COCH: variants seen among roughly 807,000 people sequenced by gnomAD.
COCH encodes coagulation factor C homolog, cochlin (Limulus polyphemus).
A neutral mutation model predicts 54.8 loss-of-function variants in COCH; 40 were observed. That is an observed-to-expected ratio of 0.73 (90% confidence interval 0.57 to 0.95). The LOEUF is 0.95. COCH is among the 40% of genes least tolerant of loss of function. The probability of loss-of-function intolerance (pLI) is 0.00; values close to 1 mark genes in which losing one functional copy is unlikely to be tolerated. For synonymous variants in COCH, 256 were observed against 237.9 expected, an observed-to-expected ratio of 1.08 and a Z score of -0.70; for missense variants, 605 against 675.0, an observed-to-expected ratio of 0.90 and a Z score of 1.15.
intron 10 of COCH, 50 bp downstream of exon 10, chr14:30,885,670 G>A (rs1402009173): frequency 6.9e-7 from 1 of 1,455,270 alleles, no homozygotes; most frequent in Non-Finnish European, 9.7e-7. Context: ...ATTCCATTTT[G>A]GACCTCTAAG....
At chr14:30,891,076 G>A (rs1330210918), downstream of COCH, among the ~76,000 whole-genome samples, 1 of 151,860 alleles carries the variant, frequency 6.6e-6, no homozygotes, top group African/African-American at 2.4e-5. Context: ...CAAGTTTATC[G>A]AATACCTACT....
Position 30,886,034 on chromosome 14 carries a change from C to T in COCH, c.1199C>T (p.Ser400Leu), listed in dbSNP as rs760549722. 17 of 1,614,090 alleles carry T rather than the reference C, an allele frequency of 1.1e-5. No individual in the cohort carries two copies. The highest frequency in any genetic ancestry group is 8.8e-5 in the South Asian group (8 of 91,080). The change falls in exon 11 of 12, where the codon TCG becomes TTG. Residue 400 changes from serine to leucine, a missense_variant. Coordinates refer to ENST00000396618, the MANE Select transcript of COCH (RefSeq NM_004086.3). Reference protein sequence around the residue: ...VSNIAKTFEISDIGAKIAAVQ... With the variant: ...VSNIAKTFEILDIGAKIAAVQ... ...AACATAGCCAAGACTTTTGAAATCT[C>T]GGACATTGGTGCCAAGATAGCTGCT...
chr14:30,893,125 CAATTACAAACGGCAAAAACCACA>C (rs1401843277), downstream of COCH, among the ~76,000 whole-genome samples: 3 of 143,290 alleles, frequency 2.1e-5, no homozygotes, highest in African/African-American at 7.7e-5. Context: ...GCAAAAACCA[CAATTACAAACGGCAAAAACCACA>C]ATTTTTTTTT....
chr14:30,885,685 G>A, intron 10 of COCH, 65 bp downstream of exon 10: 1 of 1,487,104 alleles, frequency 6.7e-7, no homozygotes, highest in Non-Finnish European at 9.4e-7. Context: ...TCTAAGTGCA[G>A]TGCTGACTGC....
downstream of COCH, among the ~76,000 whole-genome samples, chr14:30,893,482 C>T (rs1241239602): frequency 2.0e-5 from 3 of 152,126 alleles, no homozygotes. Flanking sequence ...CACCAACTAA[C>T]CTAAATATTC....
Position 30,877,706 on chromosome 14 carries a change from A to T in COCH, c.217A>T (p.Ile73Leu), listed in dbSNP as rs1566406906. Residue 73 changes from isoleucine to leucine, a missense_variant, in exon 4 of 12, where the codon ATA becomes TTA. By Grantham distance (5) the Ile-to-Leu change is conservative. Coordinates refer to ENST00000396618, the MANE Select transcript of COCH (RefSeq NM_004086.3). This position sits in a 1 kb window ranked among gnomAD's most constrained non-coding sequence, Gnocchi z 8.6. ...CATAGTATATGCTTCTGTATCGAGCATATGTGGGGCTGCTGTCCACAGGTA... is the reference window on the plus strand; with the variant it reads ...CATAGTATATGCTTCTGTATCGAGCTTATGTGGGGCTGCTGTCCACAGGTA... ...GNIVYASVSSICGAAVHRGVI... is the reference protein window; with the variant it reads ...GNIVYASVSSLCGAAVHRGVI... 6.2e-7 allele frequency: 1 copy of T among 1,614,226 alleles called. No homozygotes were observed.
At chr14:30,885,073 G>A (rs1024038387) in intron 9 of COCH, 2 of 1,581,974 alleles carry the variant, frequency 1.3e-6, no homozygotes, top group African/African-American at 2.7e-5. Context: ...GCTACATAGA[G>A]AGCACATGCA....
chr14:30,889,736 T>C lies in COCH; in HGVS notation c.1598T>C (p.Ile533Thr). The change falls in exon 12 of 12, where the codon ATT (isoleucine) becomes ACT (threonine). Residue 533 changes from isoleucine (I) to threonine (T), a missense_variant. Ile to Thr is a moderately conservative substitution (Grantham distance 89). Coordinates refer to ENST00000396618, the MANE Select transcript of COCH (RefSeq NM_004086.3). The stretch of plus-strand genomic sequence containing the variant: ...AGAGAGTTCACAGGATTAGAACCAA[T>C]TGTTTCTGATGTCATCAGAGGCATT... ...FTREFTGLEP[I>T]VSDVIRGICR... is the part of the protein sequence containing the mutation. The C allele has an allele frequency of 6.2e-7, 1 of 1,613,798 alleles. No individual in the cohort carries two copies. The highest frequency in any genetic ancestry group is 8.5e-7 in the Non-Finnish European group (1 of 1,179,698).
At chr14:30,874,997 C>T (rs369313422) in intron 2 of COCH, 25 bp downstream of exon 2, 3 of 1,613,010 alleles carry the variant, frequency 1.9e-6, no homozygotes, top group African/African-American at 2.7e-5. Flanking sequence ...CTCACGACCC[C>T]GGCCCCTTGC....
intron 1 of COCH, 32 bp downstream of exon 1, chr14:30,874,623 G>T (rs1420550453): frequency 1.2e-5 from 6 of 521,656 alleles, no homozygotes; most frequent in Non-Finnish European, 2.1e-5. Context: ...GCGCGGGTGC[G>T]AGGGATCCCT....
chr14:30,888,660 C>T (rs571081070), intron 11 of COCH, among the ~76,000 whole-genome samples: 27 of 151,974 alleles, frequency 1.8e-4, no homozygotes, highest in African/African-American at 5.5e-4. Flanking sequence ...TAGTGGCATG[C>T]GCTTGTAGTC....
chr14:30,875,166 C>A, intron 3 of COCH, 63 bp downstream of exon 3: 12 of 1,537,762 alleles, frequency 7.8e-6, no homozygotes, highest in Non-Finnish European at 1.1e-5. Context: ...CGGGTACAAG[C>A]GGGACTCAGA....
chr14:30,887,448 A>C (rs924251083), intron 11 of COCH, among the ~76,000 whole-genome samples: 1 of 152,032 alleles, frequency 6.6e-6, no homozygotes. Context: ...AAGATAATAA[A>C]AACACACTCT....
At chr14:30,879,019 C>G in intron 5 of COCH, 75 bp downstream of exon 5, 1 of 1,570,446 alleles carries the variant, frequency 6.4e-7, no homozygotes, top group Non-Finnish European at 8.7e-7. Flanking sequence ...TTAGCTCAGC[C>G]TCTTTAACCT....
At chr14:30,875,664 G>A (rs369836487) in intron 3 of COCH, 8 of 223,976 alleles carry the variant, frequency 3.6e-5, no homozygotes, top group Middle Eastern at 1.5e-3. Context: ...TGTACCACGT[G>A]TAGAGGTCCG....
intron 8 of COCH, among the ~76,000 whole-genome samples, chr14:30,882,120 G>GTTTTTTTTTTGTTTGTTTGTTTTT (rs1895618905): frequency 1.5e-5 from 1 of 67,894 alleles, no homozygotes; most frequent in African/African-American, 6.6e-5. Flanking sequence ...CTATAAAATG[G>GTTTTTTTTTTGTTTGTTTGTTTTT]TTTTTTTTTT....
intron 3 of COCH, chr14:30,875,363 C>T: frequency 1.6e-6 from 1 of 608,366 alleles, no homozygotes; most frequent in Non-Finnish European, 2.9e-6. Context: ...AGGCCTCCTC[C>T]AGGCCCACCC....
chr14:30,877,265 C>CT lies in COCH; in HGVS notation c.83-305dup. On this transcript the variant is annotated intron_variant, in intron 3 of 11. Coordinates refer to ENST00000396618, the MANE Select transcript of COCH (RefSeq NM_004086.3). The surrounding 1 kb of genome is among the most constrained non-coding windows in gnomAD (Gnocchi z 8.6). ...CTACTAGGGAGTTGGAGGTGGATCA[C>CT]TTGAGCTCGGGAATTTGAGCCTAGC... 5.4e-6 allele frequency: 2 copies of CT among 369,898 alleles called. No homozygotes were observed. Among genetic ancestry groups the CT allele is most frequent in the Non-Finnish European group, 1.0e-5 (2 of 195,018 alleles). The allele number at this position is 369,898 out of a possible 1,614,324, so 22.9% of individuals were successfully genotyped here.
At chr14:30,881,013 C>T (rs1895561633) in intron 8 of COCH, among the ~76,000 whole-genome samples, 2 of 151,704 alleles carry the variant, frequency 1.3e-5, no homozygotes, top group African/African-American at 4.8e-5. Flanking sequence ...GTCAGGAGTT[C>T]AAAACCAGTC....
Sources: allele counts gnomAD v4.1 joint callset (sites outside exome capture counted in the v4.1 genomes callset), GRCh38; gene constraint gnomAD v4.1.1; non-coding constraint Gnocchi (gnomAD v3.1); transcripts MANE v1.5; gene names NCBI Gene and HGNC (gene_info 2026-07-23, HGNC 2026-07-21).